The following SLIT2 variants were observed in gnomAD, a reference collection of about 807,000 sequenced individuals.
SLIT2 encodes the protein slit guidance ligand 2, also known as slit homolog 2 protein.
In SLIT2, 41 loss-of-function variants were observed where a neutral mutation model predicts 185.7. The observed-to-expected ratio is 0.22, with a 90% confidence interval of 0.17 to 0.29. SLIT2 has a LOEUF of 0.29. Ranked by LOEUF, SLIT2 falls within the 10% of genes least tolerant of loss-of-function variation. The pLI is 1.00. For missense variants in SLIT2, 1,571 were observed against 1,909.0 expected, an observed-to-expected ratio of 0.82 and a Z score of 3.30; for synonymous variants, 693 against 680.2, an observed-to-expected ratio of 1.02 and a Z score of -0.29.
intron 29 of SLIT2, chr4:20,573,385 A>C: frequency 1.5e-6 from 1 of 681,778 alleles, no homozygotes; most frequent in Non-Finnish European, 2.7e-6. Context: ...ATCTGAAAAC[A>C]ATATGCCAAA....
chr4:20,495,321 A>C (rs1718135392), intron 9 of SLIT2, among the ~76,000 whole-genome samples: 1 of 152,184 alleles, frequency 6.6e-6, no homozygotes, highest in African/African-American at 2.4e-5. Flanking sequence ...GTTTAGAGAG[A>C]AACGAGAGTG....
At chr4:20,291,498 T>A (rs1200077392) in intron 4 of SLIT2, among the ~76,000 whole-genome samples, 49 of 25,316 alleles carry the variant, frequency 1.9e-3, no homozygotes, top group South Asian at 4.3e-3. Context: ...ATATATTTTT[T>A]TTTTTTTTTT....
At chr4:20,350,120 T>C (rs1721742993) in intron 4 of SLIT2, among the ~76,000 whole-genome samples, 1 of 152,190 alleles carries the variant, frequency 6.6e-6, no homozygotes, top group Admixed American at 6.5e-5. Context: ...GTACTTCTTG[T>C]TCAGATTGCA....
At chr4:20,371,849 C>CT (rs560125249) in intron 4 of SLIT2, among the ~76,000 whole-genome samples, 14 of 148,716 alleles carry the variant, frequency 9.4e-5, no homozygotes, top group South Asian at 6.4e-4. Context: ...TACTCTTGTA[C>CT]TTTTTTTTTT....
Position 20,500,903 on chromosome 4 carries a change from A to G in SLIT2, c.914+9004A>G, listed in dbSNP as rs3775807. 1.8e-4 allele frequency among the ~76,000 whole-genome samples: 27 copies of G among 152,314 alleles called. No homozygotes were observed. The East Asian group carries it at 4.8e-3, about 27-fold the overall frequency. On this transcript the variant is annotated intron_variant, in intron 9 of 36. Transcript: ENST00000504154. The stretch of plus-strand genomic sequence containing the variant: ...CTATGAAAGTACTAGTTTTTCCTCT[A>G]TCAAATACAACTTGCCTAGAAATGT...
At chr4:20,303,285 A>T (rs1298296039) in intron 4 of SLIT2, among the ~76,000 whole-genome samples, 1 of 152,198 alleles carries the variant, frequency 6.6e-6, no homozygotes, top group Non-Finnish European at 1.5e-5. Context: ...TGCAGATACA[A>T]GGCTTTGAAA....
chr4:20,256,681 T>C lies in SLIT2; in HGVS notation c.189T>C (p.Asn63=). 6.4e-7 allele frequency: 1 copy of C among 1,559,502 alleles called. No homozygotes were observed. The highest frequency in any genetic ancestry group is 8.8e-7 in the Non-Finnish European group (1 of 1,139,640). Residue 63 remains asparagine, a synonymous_variant, in exon 2 of 37, where the codon AAT becomes AAC. Coordinates refer to ENST00000504154, the MANE Select transcript of SLIT2 (RefSeq NM_004787.4). ...IPRNTERLDL[N]GNNITRITKT... Reference sequence around the variant, plus strand: ...CTGGTTTTTCTCTTAGGGATTTAAATGGAAATAACATCACAAGAATTACGA... The same window carrying C: ...CTGGTTTTTCTCTTAGGGATTTAAACGGAAATAACATCACAAGAATTACGA...
chr4:20,544,523 G>C (rs1403090281), intron 21 of SLIT2, among the ~76,000 whole-genome samples: 1 of 152,028 alleles, frequency 6.6e-6, no homozygotes, highest in African/African-American at 2.4e-5. Flanking sequence ...GTTTGTCATA[G>C]AGATGAGAAA....
chr4:20,516,070 C>A (rs945216108), intron 11 of SLIT2, among the ~76,000 whole-genome samples: 1 of 152,346 alleles, frequency 6.6e-6, no homozygotes, highest in East Asian at 1.9e-4. Context: ...CCGCCTGGGC[C>A]TCCCAAAGTG....
In SLIT2 at chr4:20,539,015, C is replaced by A. The variant is rs145041461; in HGVS notation, c.1833-426C>A. 3.0e-3 allele frequency among the ~76,000 whole-genome samples: 452 copies of A among 152,276 alleles called. 1 individual carries two copies. Among genetic ancestry groups the A allele is most frequent in the African/African-American group, 0.01 (431 of 41,554 alleles). On this transcript the variant is annotated intron_variant, in intron 18 of 36. Transcript: ENST00000504154. ...CCCTGAGATGCCCTCAGTTCTTCAT[C>A]TGCAGTGGCTATTGATTCTTTTCTG...
chr4:20,481,721 T>C (rs953276291), intron 6 of SLIT2, among the ~76,000 whole-genome samples: 22 of 152,082 alleles, frequency 1.4e-4, no homozygotes, highest in Admixed American at 1.4e-3. Flanking sequence ...TAAATCTAGT[T>C]TCAGGAATGG....
Position 20,550,772 on chromosome 4 carries a change from G to C in SLIT2, c.2490-55G>C, listed in dbSNP as rs983840835. The C allele has an allele frequency of 4.8e-6, 5 of 1,036,960 alleles. No homozygotes were observed. In the African/African-American group the frequency reaches 6.4e-5, roughly 13 times the overall value. The allele number at this position is 1,036,960 out of a possible 1,614,324, so 64.2% of individuals were successfully genotyped here. A position where few individuals can be genotyped will look rare whatever the true frequency, so the allele number is the denominator to read the frequency against. Reference sequence around the variant, plus strand: ...AAACTAAAGTCTCGGAATTTCTCTGGAGTCTATGAGTTCAGAAATATAGGA... The same window carrying C: ...AAACTAAAGTCTCGGAATTTCTCTGCAGTCTATGAGTTCAGAAATATAGGA... On this transcript the variant is annotated intron_variant, in intron 24 of 36. Transcript: ENST00000504154.
intron 29 of SLIT2, among the ~76,000 whole-genome samples, chr4:20,571,847 A>G (rs1019859303): frequency 3.3e-5 from 5 of 152,240 alleles, no homozygotes. Flanking sequence ...ACTTACAGAA[A>G]AAAAGCTTGT....
chr4:20,550,121 A>G (rs1485342413), intron 24 of SLIT2, among the ~76,000 whole-genome samples: 1 of 152,096 alleles, frequency 6.6e-6, no homozygotes, highest in Non-Finnish European at 1.5e-5. Flanking sequence ...CACTCTTGCA[A>G]ACACTGAATA....
intron 34 of SLIT2, among the ~76,000 whole-genome samples, chr4:20,611,317 T>G (rs1729204216): frequency 2.6e-5 from 4 of 152,194 alleles, no homozygotes; most frequent in Non-Finnish European, 5.9e-5. Context: ...AGTCTTAACA[T>G]TTTGACAGAG....
intron 4 of SLIT2, among the ~76,000 whole-genome samples, chr4:20,398,718 T>C (rs1726119658): frequency 6.6e-6 from 1 of 151,816 alleles, no homozygotes; most frequent in Admixed American, 6.6e-5. Context: ...TTTTAATTTT[T>C]CTGTTTGAAT....
chr4:20,525,665 T>C (rs114372806), intron 15 of SLIT2, among the ~76,000 whole-genome samples: 13,707 of 152,190 alleles, frequency 0.09, 693 homozygotes, highest in Middle Eastern at 0.15. Context: ...ACTGTACTTA[T>C]TGCTTTACTT....
At chr4:20,389,588 T>C (rs1231041562) in intron 4 of SLIT2, among the ~76,000 whole-genome samples, 1 of 151,942 alleles carries the variant, frequency 6.6e-6, no homozygotes, top group Non-Finnish European at 1.5e-5. Context: ...CAGAATAATC[T>C]AGTTTTTCCT....
intron 4 of SLIT2, among the ~76,000 whole-genome samples, chr4:20,332,507 C>A (rs138747005): frequency 4.5e-4 from 68 of 152,124 alleles, no homozygotes; most frequent in African/African-American, 1.6e-3. Context: ...TGTGGTGAAA[C>A]CCCATCTATA....
Sources: gnomAD v4.1 joint callset for allele counts (sites outside exome capture counted in the v4.1 genomes callset) on GRCh38, gnomAD v4.1.1 for gene constraint, MANE v1.5 for transcripts, NCBI Gene and HGNC (gene_info 2026-07-23, HGNC 2026-07-21) for gene names.